AOPEP: variants seen among roughly 807,000 people sequenced by gnomAD.
AOPEP encodes aminopeptidase O.
In AOPEP, 77 loss-of-function variants were observed where a neutral mutation model predicts 98.1. That is an observed-to-expected ratio of 0.78 (90% CI 0.65 to 0.95). AOPEP has a LOEUF of 0.95. Ranked by LOEUF, AOPEP falls within the 40% of genes least tolerant of loss-of-function variation. The probability of loss-of-function intolerance (pLI) is 0.00; values close to 1 mark genes in which losing one functional copy is unlikely to be tolerated. For synonymous variants in AOPEP, 346 were observed against 365.3 expected (o/e 0.95, Z 0.60); for missense variants, 1,024 against 1,024.7 (o/e 1.00, Z 0.01).
At chr9:95,051,036 T>C (rs2066299161) in intron 13 of AOPEP, among the ~76,000 whole-genome samples, 1 of 152,118 alleles carries the variant, frequency 6.6e-6, no homozygotes, top group African/African-American at 2.4e-5. Context: ...TGCTATTCTT[T>C]TTCTCACTTA....
intron 2 of AOPEP, among the ~76,000 whole-genome samples, chr9:94,761,429 G>A (rs1464507834): frequency 6.6e-6 from 1 of 152,130 alleles, no homozygotes; most frequent in Non-Finnish European, 1.5e-5. Flanking sequence ...TTGTGCTAAA[G>A]TACTGCAAAT....
intron 5 of AOPEP, among the ~76,000 whole-genome samples, chr9:94,893,312 A>C (rs1218289937): frequency 2.0e-5 from 3 of 152,186 alleles, no homozygotes; most frequent in African/African-American, 7.2e-5. Flanking sequence ...AGACACAGGA[A>C]ATAGCCAGGT....
chr9:95,034,482 T>C (rs1216662131), intron 13 of AOPEP, among the ~76,000 whole-genome samples: 1 of 152,256 alleles, frequency 6.6e-6, no homozygotes, highest in Non-Finnish European at 1.5e-5. Flanking sequence ...CTATGCTTGT[T>C]ATAATTTGAG....
At chr9:95,083,794 T>A (rs894529865) in intron 16 of AOPEP, among the ~76,000 whole-genome samples, 1 of 152,156 alleles carries the variant, frequency 6.6e-6, no homozygotes, top group Non-Finnish European at 1.5e-5. Flanking sequence ...TGACCCTGTG[T>A]CTTGAGGGCA....
intron 2 of AOPEP, among the ~76,000 whole-genome samples, chr9:94,764,285 G>A (rs574118792): frequency 6.6e-6 from 1 of 152,272 alleles, no homozygotes; most frequent in Admixed American, 6.5e-5. Context: ...AAACGAATAA[G>A]GTCAGCGTAA....
chr9:95,107,613 C>T, the AOPEP span: 1 of 416,226 alleles, frequency 2.4e-6, no homozygotes, highest in Non-Finnish European at 4.5e-6. Flanking sequence ...GAAGACTCGC[C>T]TATCACAGCC....
downstream of AOPEP, among the ~76,000 whole-genome samples, chr9:95,090,476 C>T (rs754220819): frequency 2.6e-5 from 4 of 152,160 alleles, no homozygotes; most frequent in East Asian, 1.9e-4. Flanking sequence ...TGGCTGGGCC[C>T]GGGCCCAGGG....
At chr9:95,118,566 C>T in the AOPEP span, among the ~76,000 whole-genome samples, 39 of 152,356 alleles carry the variant, frequency 2.6e-4, no homozygotes, top group African/African-American at 9.1e-4. Context: ...CAATTCTTAA[C>T]AATCATTCCC....
At chr9:95,095,120 G>A in the AOPEP span, among the ~76,000 whole-genome samples, 1 of 152,334 alleles carries the variant, frequency 6.6e-6, no homozygotes, top group African/African-American at 2.4e-5. Context: ...AACATCTAGA[G>A]GCAGAATGGA....
chr9:95,040,251 T>C (rs796151277), intron 13 of AOPEP, among the ~76,000 whole-genome samples: 1 of 152,386 alleles, frequency 6.6e-6, no homozygotes, highest in African/African-American at 2.4e-5. Flanking sequence ...AAATCAACTT[T>C]GCTTTCCCAT....
rs1006119211 is a variant in AOPEP at position 95,005,522 on chromosome 9, C to T, written c.2041-20C>T. The stretch of plus-strand genomic sequence containing the variant: ...GGACCCTGTCGCCTTCTTTGAAATG[C>T]TGTGGTTTTTGAACCTCAGGTCACG... On this transcript the variant is annotated intron_variant, in intron 12 of 16. Transcript: ENST00000375315. The T allele has an allele frequency of 6.2e-7, 1 of 1,610,734 alleles. No homozygotes were observed. Among genetic ancestry groups the T allele is most frequent in the Admixed American group, 1.7e-5 (1 of 59,988 alleles).
At chr9:94,989,011 C>G (rs538563289) in intron 11 of AOPEP, among the ~76,000 whole-genome samples, 1 of 151,698 alleles carries the variant, frequency 6.6e-6, no homozygotes, top group African/African-American at 2.4e-5. Flanking sequence ...TGGGTTCAAG[C>G]AATTCTCCTG....
intron 5 of AOPEP, among the ~76,000 whole-genome samples, chr9:94,841,642 C>T (rs1031835252): frequency 6.6e-6 from 1 of 152,152 alleles, no homozygotes; most frequent in African/African-American, 2.4e-5. Flanking sequence ...TTAGTTAATT[C>T]ACTTACGTCA....
rs1554803922 is a variant in AOPEP at position 95,012,991 on chromosome 9, G to GGA, written c.2115+7376_2115+7377insAG. Among the ~76,000 whole-genome samples, 4 of 139,702 alleles carry GGA rather than the reference G, an allele frequency of 2.9e-5. No homozygotes were observed. In the South Asian group the frequency reaches 1.0e-3, roughly 35 times the overall value. 91.6% of individuals were successfully genotyped at this position (139,702 alleles called of 152,430 possible). On this transcript the variant is annotated intron_variant, in intron 13 of 16. Transcript: ENST00000375315. ...AGAGTTTTCCTGTTTTTTTTTTGGG[G>GGA]GGGGGGGCAGGGCGATTATCTCTTA...
intron 13 of AOPEP, among the ~76,000 whole-genome samples, chr9:95,022,730 A>G (rs2063554073): frequency 1.3e-5 from 2 of 152,220 alleles, no homozygotes; most frequent in Admixed American, 1.3e-4. Context: ...ACAATAGCTC[A>G]GTAGAAATAG....
chr9:94,760,277 C>T lies in AOPEP; in HGVS notation c.494C>T (p.Pro165Leu). ...KVEEVDVAAV[P>L]GLEKFTRSPE... Reference sequence around the variant, plus strand: ...GAGGAGGTGGATGTTGCTGCTGTGCCAGGTCTGGAAAAATTTACAAGGTCT... The same window carrying T: ...GAGGAGGTGGATGTTGCTGCTGTGCTAGGTCTGGAAAAATTTACAAGGTCT... The change falls in exon 2 of 17, where the codon CCA becomes CTA. Residue 165 changes from proline (P) to leucine (L), a missense_variant. By Grantham distance (98) the Pro-to-Leu change is moderately conservative. Transcript: ENST00000375315. 1.2e-6 allele frequency: 2 copies of T among 1,614,060 alleles called. No homozygotes were observed. Among genetic ancestry groups the T allele is most frequent in the Non-Finnish European group, 1.7e-6 (2 of 1,180,024 alleles).
chr9:94,984,035 A>ATT (rs11334862), intron 11 of AOPEP, among the ~76,000 whole-genome samples: 7 of 142,698 alleles, frequency 4.9e-5, no homozygotes, highest in Non-Finnish European at 3.1e-5. Context: ...TGAGGAGCTA[A>ATT]TTTTTTTTTT....
chr9:94,967,301 A>G (rs1473815714), intron 9 of AOPEP, among the ~76,000 whole-genome samples: 1 of 152,158 alleles, frequency 6.6e-6, no homozygotes, highest in Non-Finnish European at 1.5e-5. Flanking sequence ...TTGTTCCTTG[A>G]TGGCATATTT....
At chr9:95,049,129 A>G (rs2066120530) in intron 13 of AOPEP, 1 of 152,222 alleles carries the variant, frequency 6.6e-6, no homozygotes. Flanking sequence ...CTATACTGTG[A>G]AATCAGCAGA....
Sources: gnomAD v4.1 joint callset for allele counts (sites outside exome capture counted in the v4.1 genomes callset) on GRCh38, gnomAD v4.1.1 for gene constraint, MANE v1.5 for transcripts, NCBI Gene and HGNC (gene_info 2026-07-23, HGNC 2026-07-21) for gene names.